The following RIN2 variants were observed in gnomAD, a reference collection of about 807,000 sequenced individuals.
RIN2 encodes the protein RAB5 interacting protein 2.
RIN2 carries 36 observed loss-of-function variants against 78.0 expected under a neutral mutation model. That is an observed-to-expected ratio of 0.46 (90% CI 0.35 to 0.61). The LOEUF is 0.61. RIN2 is among the 20% of genes least tolerant of loss of function. The pLI is 0.00. For synonymous variants in RIN2, 466 were observed against 466.8 expected (o/e 1.00, Z 0.02); for missense variants, 1,087 against 1,159.7 (o/e 0.94, Z 0.91).
intron 2 of RIN2, among the ~76,000 whole-genome samples, chr20:19,882,168 G>C (rs981174942): frequency 6.6e-6 from 1 of 152,128 alleles, no homozygotes; most frequent in Non-Finnish European, 1.5e-5. Context: ...TGTTATGATG[G>C]AACAAGTGAC....
chr20:19,811,771 A>G (rs2035609898), intron 2 of RIN2, among the ~76,000 whole-genome samples: 1 of 136,426 alleles, frequency 7.3e-6, no homozygotes. Flanking sequence ...CTGTGCTAAT[A>G]TGAAACTCTC....
chr20:19,851,057 AAAGGAAGG>A (rs142938284), intron 2 of RIN2, among the ~76,000 whole-genome samples: 263 of 132,626 alleles, frequency 2.0e-3, no homozygotes, highest in African/African-American at 7.7e-3. Context: ...AAGGAGAAAG[AAAGGAAGG>A]AAGGAAGGAA....
intron 1 of RIN2, among the ~76,000 whole-genome samples, chr20:19,764,654 A>G (rs887365902): frequency 6.6e-6 from 1 of 152,244 alleles, no homozygotes; most frequent in African/African-American, 2.4e-5. Flanking sequence ...TCTTCTGCAT[A>G]GAAAACCTTT....
chr20:19,845,433 G>T (rs941773789), intron 2 of RIN2, among the ~76,000 whole-genome samples: 6 of 152,106 alleles, frequency 3.9e-5, no homozygotes, highest in African/African-American at 1.4e-4. Flanking sequence ...ATTCTAACTG[G>T]TGTGAGATGG....
chr20:19,881,368 G>A (rs1187991703), intron 2 of RIN2, among the ~76,000 whole-genome samples: 1 of 152,174 alleles, frequency 6.6e-6, no homozygotes, highest in East Asian at 1.9e-4. Context: ...CTAAAGGGAA[G>A]GGTAAACACC....
At chr20:19,789,975 A>G (rs2034837890) in intron 1 of RIN2, among the ~76,000 whole-genome samples, 1 of 152,042 alleles carries the variant, frequency 6.6e-6, no homozygotes, top group Admixed American at 6.5e-5. Context: ...TCCTTCAAAC[A>G]TCTTTTCCTA....
chr20:19,868,594 C>G (rs953470631), intron 2 of RIN2, among the ~76,000 whole-genome samples: 3 of 152,078 alleles, frequency 2.0e-5, no homozygotes, highest in Non-Finnish European at 2.9e-5. Context: ...CGTGAACATT[C>G]GACAACAGGC....
chr20:19,852,983 A>G (rs912736043), intron 2 of RIN2, among the ~76,000 whole-genome samples: 2 of 149,812 alleles, frequency 1.3e-5, no homozygotes, highest in East Asian at 2.0e-4. Flanking sequence ...TGCTGCACCC[A>G]TTAACTCGTC....
At chr20:19,991,108 A>C (rs1405156209) in intron 10 of RIN2, among the ~76,000 whole-genome samples, 1 of 152,166 alleles carries the variant, frequency 6.6e-6, no homozygotes, top group African/African-American at 2.4e-5. Context: ...TGCTTAATGG[A>C]GAAGCAGCAG....
At chr20:19,950,953 C>T (rs1219027814) in intron 4 of RIN2, among the ~76,000 whole-genome samples, 2 of 151,168 alleles carry the variant, frequency 1.3e-5, no homozygotes, top group African/African-American at 4.9e-5. Flanking sequence ...GCAGTGGTGC[C>T]ATCTCAGCTC....
At chr20:19,931,548 G>A (rs912569152) in intron 3 of RIN2, among the ~76,000 whole-genome samples, 3 of 152,156 alleles carry the variant, frequency 2.0e-5, no homozygotes, top group South Asian at 2.1e-4. Flanking sequence ...TTATGTCATA[G>A]TTGTACATAT....
chr20:19,767,499 G>A (rs1014431381), intron 1 of RIN2, among the ~76,000 whole-genome samples: 1 of 152,200 alleles, frequency 6.6e-6, no homozygotes, highest in Admixed American at 6.5e-5. Context: ...AGTTTCTCTG[G>A]CTAGCCTCAG....
chr20:19,792,047 A>G (rs1368987585), intron 1 of RIN2, among the ~76,000 whole-genome samples: 1 of 151,996 alleles, frequency 6.6e-6, no homozygotes, highest in Non-Finnish European at 1.5e-5. Context: ...GACAAGTGGG[A>G]CTCCTTCCAG....
intron 2 of RIN2, among the ~76,000 whole-genome samples, chr20:19,871,261 G>A (rs1323683829): frequency 1.3e-5 from 2 of 152,138 alleles, no homozygotes; most frequent in Non-Finnish European, 2.9e-5. Context: ...TATTTTGCAA[G>A]AGCTGAACAA....
chr20:19,787,282 G>A (rs1249546433), intron 1 of RIN2, among the ~76,000 whole-genome samples: 1 of 151,940 alleles, frequency 6.6e-6, no homozygotes. Flanking sequence ...AATTAGCTGG[G>A]CATGGTGGCG....
At chr20:19,906,025 C>T (rs190822949) in intron 3 of RIN2, among the ~76,000 whole-genome samples, 5 of 152,176 alleles carry the variant, frequency 3.3e-5, no homozygotes, top group African/African-American at 1.2e-4. Flanking sequence ...CATGCCAGGG[C>T]CATGAATCTA....
At chr20:19,845,767 A>G (rs951590406) in intron 2 of RIN2, among the ~76,000 whole-genome samples, 1 of 151,978 alleles carries the variant, frequency 6.6e-6, no homozygotes, top group Non-Finnish European at 1.5e-5. Context: ...TTTTGTTGCC[A>G]TTGCTTTTGG....
At chr20:19,955,801 G>T (rs372385019) in intron 4 of RIN2, among the ~76,000 whole-genome samples, 3 of 152,174 alleles carry the variant, frequency 2.0e-5, no homozygotes, top group Admixed American at 6.5e-5. Context: ...TTTGTGAGAA[G>T]AAATAAAATC....
chr20:19,866,536 A>G (rs565959096), intron 2 of RIN2, among the ~76,000 whole-genome samples: 1 of 152,220 alleles, frequency 6.6e-6, no homozygotes. Flanking sequence ...CACAAAACAC[A>G]TAGCCATATA....
Sources: gnomAD v4.1 joint callset for allele counts (sites outside exome capture counted in the v4.1 genomes callset) on GRCh38, gnomAD v4.1.1 for gene constraint, MANE v1.5 for transcripts, NCBI Gene and HGNC (gene_info 2026-07-23, HGNC 2026-07-21) for gene names.